The following ERICH1 variants were observed in gnomAD, a reference collection of about 807,000 sequenced individuals.
ERICH1 encodes glutamate-rich protein 1.
Under a neutral mutation model 39.6 loss-of-function variants are expected in ERICH1, and 56 were observed. That is an observed-to-expected ratio of 1.41 (90% CI 1.14 to 1.77). ERICH1 has a LOEUF of 1.77. ERICH1 is among the 40% of genes most tolerant of loss of function. The pLI, the probability that ERICH1 is intolerant of heterozygous loss-of-function variation, is 0.00. For synonymous variants in ERICH1, 313 were observed against 223.6 expected (o/e 1.40, Z -3.57); for missense variants, 826 against 575.4 (o/e 1.44, Z -4.45).
chr8:727,916 G>A (rs1819152258), intron 1 of ERICH1, among the ~76,000 whole-genome samples: 1 of 152,200 alleles, frequency 6.6e-6, no homozygotes, highest in Non-Finnish European at 1.5e-5. Context: ...CTTAAATCCA[G>A]GGGCGCATCC....
intron 5 of ERICH1, among the ~76,000 whole-genome samples, chr8:665,501 C>T (rs1283749040): frequency 6.6e-6 from 1 of 152,176 alleles, no homozygotes; most frequent in Admixed American, 6.5e-5. Flanking sequence ...CATTCACACT[C>T]CCCCCAGGCA....
rs139731216 is a variant in ERICH1 at position 708,681 on chromosome 8, G to GTTTTTTTTTTTTTTTTT, written c.169+7163_169+7179dup. ...GGGCTGAGTGGTTACGGGATAATGA[G>GTTTTTTTTTTTTTTTTT]TTTTTTTTTTTTTTTTTTTTTTTTT... On this transcript the variant is annotated intron_variant, in intron 2 of 5. Transcript: ENST00000262109. 4.9e-4 allele frequency among the ~76,000 whole-genome samples: 32 copies of GTTTTTTTTTTTTTTTTT among 65,768 alleles called. 5 individuals are homozygous for GTTTTTTTTTTTTTTTTT. The highest frequency in any genetic ancestry group is 1.4e-3 in the African/African-American group (24 of 17,534). 43.1% of individuals were successfully genotyped at this position (65,768 alleles called of 152,430 possible).
At chr8:722,625 C>T (rs1358258542) in intron 1 of ERICH1, among the ~76,000 whole-genome samples, 1 of 152,212 alleles carries the variant, frequency 6.6e-6, no homozygotes, top group Admixed American at 6.5e-5. Context: ...AATTTAAAAT[C>T]TAACAGTTGG....
intron 3 of ERICH1, among the ~76,000 whole-genome samples, chr8:684,662 A>C (rs1219332972): frequency 6.6e-6 from 1 of 152,112 alleles, no homozygotes; most frequent in Non-Finnish European, 1.5e-5. Flanking sequence ...CCAATATTTC[A>C]ACATAGGTTC....
downstream of ERICH1, among the ~76,000 whole-genome samples, chr8:660,554 C>T (rs537007919): frequency 2.1e-4 from 32 of 152,322 alleles, no homozygotes; most frequent in South Asian, 6.4e-3. Context: ...AGGTCCCAGC[C>T]CGGGCTGTAC....
At position 702,533 on chromosome 8, in the gene ERICH1, C is replaced by T. The variant is rs192381379; in HGVS notation, c.170-9921G>A. ...AGGCACCTCCCACCTCCAGCCAAGACGGAAAAGTCTTGAACAGACACTTAG... is the reference window on the plus strand; with the variant it reads ...AGGCACCTCCCACCTCCAGCCAAGATGGAAAAGTCTTGAACAGACACTTAG... On this transcript the variant is annotated intron_variant, in intron 2 of 5. Transcript: ENST00000262109. Among the ~76,000 whole-genome samples the T allele has an allele frequency of 1.2e-4, 19 of 152,272 alleles. No homozygotes were observed. The East Asian group carries it at 3.1e-3, about 25-fold the overall frequency.
intron 3 of ERICH1, chr8:627,154 C>T (rs548009907): frequency 4.4e-6 from 2 of 456,290 alleles, no homozygotes; most frequent in Admixed American, 2.3e-5. Flanking sequence ...CAGCAGCAGA[C>T]CCAGGTCTGA....
At chr8:731,033 G>T in intron 1 of ERICH1, 107 bp downstream of exon 1, 1 of 1,288,342 alleles carries the variant, frequency 7.8e-7, no homozygotes, top group African/African-American at 1.5e-5. Flanking sequence ...CTGGGTTTGG[G>T]GTGGGGCCTG....
Position 674,051 on chromosome 8 carries a change from T to G in ERICH1, c.305-4A>C. 6.5e-7 allele frequency: 1 copy of G among 1,527,890 alleles called. No individual in the cohort carries two copies. Among genetic ancestry groups the G allele is most frequent in the East Asian group, 2.3e-5 (1 of 43,750 alleles). 94.6% of individuals were successfully genotyped at this position (1,527,890 alleles called of 1,614,324 possible). ...GGCTGGTCATGAGGATCCTGATCTG[T>G]TAAAAAAATTCAAATATAACAATTT... is the stretch of plus-strand genomic sequence containing the variant. On this transcript the variant is annotated splice_region_variant and splice_polypyrimidine_tract_variant and intron_variant, in intron 3 of 5. Transcript: ENST00000262109.
chr8:723,721 G>T (rs1263426278), intron 1 of ERICH1, among the ~76,000 whole-genome samples: 1 of 152,136 alleles, frequency 6.6e-6, no homozygotes, highest in Non-Finnish European at 1.5e-5. Flanking sequence ...AAATCTGATT[G>T]TTTCAATTTT....
rs1801877408 is a variant in ERICH1 at position 664,387 on chromosome 8, T to C, written c.*216A>G. The stretch of plus-strand genomic sequence containing the variant: ...TCAAGTTTTATGTAGTAATTCAAGA[T>C]ATATATAATTGCAAATAAGTGAAAA... On this transcript the variant is annotated 3_prime_UTR_variant, in exon 6 of 6. Coordinates refer to ENST00000262109, the MANE Select transcript of ERICH1 (RefSeq NM_207332.3). 3.3e-6 allele frequency: 4 copies of C among 1,205,772 alleles called. No individual in the cohort carries two copies. The highest frequency in any genetic ancestry group is 7.2e-5 in the South Asian group (2 of 27,634). The allele number at this position is 1,205,772 out of a possible 1,614,324, so 74.7% of individuals were successfully genotyped here.
Position 692,544 on chromosome 8 carries a change from G to C in ERICH1, c.238C>G (p.Pro80Ala). 1 of 1,613,814 alleles carries C rather than the reference G, an allele frequency of 6.2e-7. No homozygotes were observed. Among genetic ancestry groups the C allele is most frequent in the Non-Finnish European group, 8.5e-7 (1 of 1,179,894 alleles). ...CAGCTGCTGGGCTCCGGCCAACAGG[G>C]GACGTAGCCCTCAGGAGGCCCGCTG... ...TASGPPEGYVPCWPEPSSCGS... is the reference protein window; with the variant it reads ...TASGPPEGYVACWPEPSSCGS... Residue 80 changes from proline (P) to alanine (A), a missense_variant, in exon 3 of 6, where the codon CCC (proline) becomes GCC (alanine). Transcript: ENST00000262109.
exon 4 of ERICH1, chr8:614,977 C>T (rs1796841707): frequency 2.6e-6 from 1 of 382,134 alleles, no homozygotes; most frequent in East Asian, 3.9e-5. Context: ...GCCACAGGCT[C>T]ACCTCAGCCA....
At chr8:672,279 C>G (rs998605989) in intron 4 of ERICH1, 3 of 152,222 alleles carry the variant, frequency 2.0e-5, no homozygotes, top group African/African-American at 7.2e-5. Flanking sequence ...AGTGTCTTAG[C>G]CATGTCTTCC....
intron 3 of ERICH1, among the ~76,000 whole-genome samples, chr8:623,457 A>C (rs1797410389): frequency 6.6e-6 from 1 of 152,236 alleles, no homozygotes; most frequent in Non-Finnish European, 1.5e-5. Flanking sequence ...TCAAAAGGGA[A>C]AGAATAGTCT....
intron 3 of ERICH1, chr8:626,108 G>A (rs761639656): frequency 6.6e-6 from 1 of 152,158 alleles, no homozygotes; most frequent in Non-Finnish European, 1.5e-5. Flanking sequence ...GGCCTTCTGT[G>A]TTGAATTTTC....
intron 2 of ERICH1, among the ~76,000 whole-genome samples, chr8:696,882 G>C (rs1349553403): frequency 3.7e-5 from 3 of 81,472 alleles, no homozygotes; most frequent in Non-Finnish European, 7.0e-5. Flanking sequence ...CAGCCTGTGC[G>C]CGCTCCTCAC....
intron 2 of ERICH1, among the ~76,000 whole-genome samples, chr8:702,288 G>C (rs1041655954): frequency 6.6e-6 from 1 of 152,140 alleles, no homozygotes; most frequent in Non-Finnish European, 1.5e-5. Context: ...CACTCAATTA[G>C]CGAGACTGCA....
chr8:687,024 G>A (rs1033086904), intron 3 of ERICH1, among the ~76,000 whole-genome samples: 2 of 152,242 alleles, frequency 1.3e-5, no homozygotes, highest in Non-Finnish European at 2.9e-5. Flanking sequence ...TTCAGGAAAG[G>A]CAAAAGGCAG....
Sources: allele counts gnomAD v4.1 joint callset (sites outside exome capture counted in the v4.1 genomes callset), GRCh38; gene constraint gnomAD v4.1.1; transcripts MANE v1.5; gene names NCBI Gene and HGNC (gene_info 2026-07-23, HGNC 2026-07-21).